The following PRKG1 variants were observed in gnomAD, a reference collection of about 807,000 sequenced individuals.
The protein encoded by PRKG1 is cGMP-dependent protein kinase 1.
PRKG1 carries 35 observed loss-of-function variants against 88.1 expected under a neutral mutation model. The observed-to-expected ratio is 0.40, with a 90% confidence interval of 0.30 to 0.53. PRKG1 has a LOEUF of 0.53. Among genes scored for constraint, PRKG1 ranks in the 20% least tolerant of loss-of-function variants. The pLI, the probability that PRKG1 is intolerant of heterozygous loss-of-function variation, is 0.59. For missense variants in PRKG1, 540 were observed against 839.8 expected, an observed-to-expected ratio of 0.64 and a Z score of 4.41; for synonymous variants, 303 against 292.5, an observed-to-expected ratio of 1.04 and a Z score of -0.37.
At chr10:52,066,836 G>A (rs191986047) in intron 7 of PRKG1, among the ~76,000 whole-genome samples, 22 of 152,272 alleles carry the variant, frequency 1.4e-4, no homozygotes, top group African/African-American at 3.9e-4. Flanking sequence ...ACTCTTTGGC[G>A]TGTGGATGCC....
intron 1 of PRKG1, among the ~76,000 whole-genome samples, chr10:51,105,794 C>T (rs537123532): frequency 7.2e-5 from 11 of 152,114 alleles, no homozygotes; most frequent in African/African-American, 2.7e-4. Flanking sequence ...CTACTTTTGC[C>T]TTCATATTGT....
intron 3 of PRKG1, among the ~76,000 whole-genome samples, chr10:51,596,088 CAA>C (rs2132217316): frequency 6.6e-6 from 1 of 152,270 alleles, no homozygotes; most frequent in African/African-American, 2.4e-5. Flanking sequence ...CTCGGCCTCC[CAA>C]AGTGCTGGGA....
intron 4 of PRKG1, among the ~76,000 whole-genome samples, chr10:51,833,608 A>T (rs1212402918): frequency 3.3e-5 from 5 of 152,198 alleles, no homozygotes; most frequent in African/African-American, 9.6e-5. Context: ...GCACAATGTG[A>T]TATTTTGATA....
chr10:51,193,457 T>C (rs1453590595), intron 2 of PRKG1, among the ~76,000 whole-genome samples: 1 of 152,032 alleles, frequency 6.6e-6, no homozygotes, highest in Admixed American at 6.6e-5. Flanking sequence ...GCAGATTTTA[T>C]ATTAGAAATT....
chr10:51,858,360 T>TTTAAAA (rs1840764198), intron 4 of PRKG1, among the ~76,000 whole-genome samples: 4 of 27,374 alleles, frequency 1.5e-4, no homozygotes, highest in East Asian at 5.3e-4. Flanking sequence ...AATATATATA[T>TTTAAAA]TATATATAAT....
At chr10:51,647,014 C>A (rs758567003) in intron 3 of PRKG1, among the ~76,000 whole-genome samples, 55 of 151,888 alleles carry the variant, frequency 3.6e-4, no homozygotes, top group Non-Finnish European at 7.5e-4. Flanking sequence ...TTTAAGAGAA[C>A]CATTAGTTAT....
chr10:51,659,695 C>A (rs4619098), intron 3 of PRKG1, among the ~76,000 whole-genome samples: 121,023 of 151,974 alleles, frequency 0.8, 50,323 homozygotes, highest in Middle Eastern at 0.94. Flanking sequence ...AAGCCTATTC[C>A]AATTTGGAAT....
chr10:52,149,185 A>G (rs1197514970), intron 8 of PRKG1, among the ~76,000 whole-genome samples: 1 of 151,708 alleles, frequency 6.6e-6, no homozygotes, highest in African/African-American at 2.4e-5. Context: ...TACGATGATA[A>G]TGTCACTGCA....
At chr10:52,085,635 G>T (rs1414891967) in intron 7 of PRKG1, among the ~76,000 whole-genome samples, 1 of 151,990 alleles carries the variant, frequency 6.6e-6, no homozygotes, top group East Asian at 1.9e-4. Flanking sequence ...GGCTATAAGA[G>T]CCCTGATTCT....
intron 3 of PRKG1, among the ~76,000 whole-genome samples, chr10:51,733,775 C>A (rs1399202436): frequency 6.6e-6 from 1 of 152,124 alleles, no homozygotes; most frequent in Admixed American, 6.6e-5. Context: ...GATGCTAGCA[C>A]TTTTGATCCT....
intron 3 of PRKG1, among the ~76,000 whole-genome samples, chr10:51,715,092 C>T (rs1416465743): frequency 6.6e-6 from 1 of 152,114 alleles, no homozygotes; most frequent in Non-Finnish European, 1.5e-5. Flanking sequence ...ATATCTAAGA[C>T]ACTAATAATA....
chr10:52,212,267 G>A (rs1839997362), intron 9 of PRKG1, among the ~76,000 whole-genome samples: 1 of 152,216 alleles, frequency 6.6e-6, no homozygotes, highest in African/African-American at 2.4e-5. Context: ...TCGGCCACCA[G>A]TGATTGGCCT....
intron 9 of PRKG1, among the ~76,000 whole-genome samples, chr10:52,176,230 A>G (rs942931805): frequency 1.7e-5 from 2 of 115,534 alleles, no homozygotes; most frequent in African/African-American, 3.4e-5. Flanking sequence ...TTCATTCTGC[A>G]TATTGGTACC....
At chr10:51,947,262 G>A (rs545111349) in intron 5 of PRKG1, among the ~76,000 whole-genome samples, 17 of 151,482 alleles carry the variant, frequency 1.1e-4, no homozygotes, top group African/African-American at 2.4e-4. Context: ...TAGGACCCTC[G>A]GAGCCAGGTG....
intron 1 of PRKG1, among the ~76,000 whole-genome samples, chr10:51,066,903 T>C (rs1341319835): frequency 6.6e-6 from 1 of 152,044 alleles, no homozygotes; most frequent in Non-Finnish European, 1.5e-5. Context: ...AGCCCTGCAT[T>C]AGAGTCGCCT....
chr10:52,214,064 C>T (rs1156887858), intron 9 of PRKG1, among the ~76,000 whole-genome samples: 1 of 152,002 alleles, frequency 6.6e-6, no homozygotes, highest in Non-Finnish European at 1.5e-5. Context: ...ATGGGAGAGT[C>T]CTCATTTACA....
intron 2 of PRKG1, among the ~76,000 whole-genome samples, chr10:51,269,713 C>T (rs1417089343): frequency 6.6e-6 from 1 of 151,950 alleles, no homozygotes; most frequent in Non-Finnish European, 1.5e-5. Context: ...GGGACTCAGG[C>T]GGAAGTGTTG....
chr10:51,319,156 C>T (rs934418984), intron 2 of PRKG1, among the ~76,000 whole-genome samples: 1 of 152,184 alleles, frequency 6.6e-6, no homozygotes, highest in African/African-American at 2.4e-5. Context: ...GGGTTCTCCA[C>T]TTACTCCCTT....
intron 1 of PRKG1, among the ~76,000 whole-genome samples, chr10:51,126,013 AATTT>A (rs2131925399): frequency 8.0e-6 from 1 of 125,444 alleles, no homozygotes; most frequent in South Asian, 2.3e-4. Context: ...ATTTATATAT[AATTT>A]ATTTATATAT....
Sources: allele counts gnomAD v4.1 joint callset (sites outside exome capture counted in the v4.1 genomes callset), GRCh38; gene constraint gnomAD v4.1.1; transcripts MANE v1.5; gene names NCBI Gene and HGNC (gene_info 2026-07-23, HGNC 2026-07-21).